NXPE4: variants seen among roughly 807,000 people sequenced by gnomAD.
NXPE4 encodes NXPE family member 4.
NXPE4 carries 42 observed loss-of-function variants against 33.3 expected under a neutral mutation model. The ratio of observed to expected loss-of-function variants is 1.26; its 90% confidence interval spans 0.98 to 1.63. The LOEUF is 1.63. NXPE4 is among the 40% of genes most tolerant of loss of function. The pLI is 0.00. For missense variants in NXPE4, 709 were observed against 647.6 expected (o/e 1.09, Z -1.03); for synonymous variants, 253 against 234.9 (o/e 1.08, Z -0.71).
upstream of NXPE4, among the ~76,000 whole-genome samples, chr11:114,598,415 T>C (rs908897630): frequency 2.0e-5 from 3 of 152,228 alleles, no homozygotes; most frequent in Non-Finnish European, 4.4e-5. Flanking sequence ...CAGTGGGGAC[T>C]CTGTGTGGGG....
chr11:114,611,223 C>T, the NXPE4 span, among the ~76,000 whole-genome samples: 1 of 151,574 alleles, frequency 6.6e-6, no homozygotes, highest in Non-Finnish European at 1.5e-5. Context: ...GCATGGGTAA[C>T]CACTGTTATC....
the NXPE4 span, among the ~76,000 whole-genome samples, chr11:114,637,380 T>G: frequency 6.6e-6 from 1 of 152,060 alleles, no homozygotes; most frequent in African/African-American, 2.4e-5. Flanking sequence ...ATGGGTTTCC[T>G]GAATACAGCA....
chr11:114,641,994 A>G, the NXPE4 span, among the ~76,000 whole-genome samples: 3 of 152,104 alleles, frequency 2.0e-5, no homozygotes, highest in African/African-American at 7.2e-5. Flanking sequence ...ATGAGAAGAT[A>G]AATTTTAAAA....
At chr11:114,617,740 CTTGGTAACCACTGTTACCA>C in the NXPE4 span, among the ~76,000 whole-genome samples, 3 of 150,822 alleles carry the variant, frequency 2.0e-5, no homozygotes, top group East Asian at 6.0e-4. Context: ...GTATTGCCTC[CTTGGTAACCACTGTTACCA>C]TGTGGATAAT....
In NXPE4 at chr11:114,581,802, A is replaced by G; in HGVS notation, c.831-16T>C. 6.3e-7 allele frequency: 1 copy of G among 1,580,214 alleles called. No homozygotes were observed. Among genetic ancestry groups the G allele is most frequent in the Non-Finnish European group, 8.7e-7 (1 of 1,154,274 alleles). ...CACATTTGACCTTAAAGACACAAAT[A>G]CAGAAATTAATCTGTAGGTGGCCTC... On this transcript the variant is annotated splice_polypyrimidine_tract_variant and intron_variant, in intron 3 of 5. Coordinates refer to ENST00000375478, the MANE Select transcript of NXPE4 (RefSeq NM_001077639.2).
upstream of NXPE4, among the ~76,000 whole-genome samples, chr11:114,600,210 A>G (rs902227067): frequency 6.6e-6 from 1 of 152,192 alleles, no homozygotes; most frequent in African/African-American, 2.4e-5. Flanking sequence ...CAGAAAATCA[A>G]TGAACATCTG....
chr11:114,637,489 A>C, the NXPE4 span, among the ~76,000 whole-genome samples: 1 of 151,442 alleles, frequency 6.6e-6, no homozygotes, highest in Non-Finnish European at 1.5e-5. Flanking sequence ...GTTATGTGTG[A>C]ATTTGATCCT....
chr11:114,639,878 T>C, the NXPE4 span, among the ~76,000 whole-genome samples: 1 of 57,610 alleles, frequency 1.7e-5, no homozygotes, highest in African/African-American at 9.2e-5. Flanking sequence ...ATATTAAATA[T>C]AAAATATGTT....
chr11:114,635,581 G>A, the NXPE4 span, among the ~76,000 whole-genome samples: 1,000 of 141,640 alleles, frequency 7.1e-3, 9 homozygotes, highest in African/African-American at 0.017. Context: ...TGCCCATTCA[G>A]TATGATATTG....
chr11:114,597,248 A>G (rs538334836), upstream of NXPE4, among the ~76,000 whole-genome samples: 14 of 152,304 alleles, frequency 9.2e-5, no homozygotes, highest in Admixed American at 3.9e-4. Flanking sequence ...GATTAGCCCA[A>G]TAGAAGGAAA....
the NXPE4 span, among the ~76,000 whole-genome samples, chr11:114,643,142 G>T: frequency 1.3e-5 from 2 of 152,140 alleles, no homozygotes; most frequent in South Asian, 4.1e-4. Flanking sequence ...GTTCTTTGTA[G>T]ATTCTGGATA....
the NXPE4 span, among the ~76,000 whole-genome samples, chr11:114,604,303 A>C: frequency 1.3e-5 from 2 of 149,186 alleles, no homozygotes; most frequent in African/African-American, 2.5e-5. Context: ...CGTGGGTAAC[A>C]ATTCTTACCC....
In NXPE4 at chr11:114,582,479, G is replaced by A; in HGVS notation, c.639C>T (p.Ser213=). ...TCAGGCCACATTCAGAGTGGACTTG[G>A]GAAGTGCCATTGACAAACTGGCCAG... The part of the protein sequence containing the change: ...IFTGQFVNGT[S]QVHSECGLIL... Residue 213 remains serine (S), a synonymous_variant, in exon 3 of 6, where the codon TCC becomes TCT. Coordinates refer to ENST00000375478, the MANE Select transcript of NXPE4 (RefSeq NM_001077639.2). 6.2e-7 allele frequency: 1 copy of A among 1,614,124 alleles called. No individual in the cohort carries two copies.
chr11:114,632,716 TATATATA>T, the NXPE4 span, among the ~76,000 whole-genome samples: 7 of 72,278 alleles, frequency 9.7e-5, no homozygotes, highest in South Asian at 1.9e-3. Flanking sequence ...TATAATATAA[TATATATA>T]ATATATAATA....
chr11:114,610,649 T>C, the NXPE4 span, among the ~76,000 whole-genome samples: 3 of 151,926 alleles, frequency 2.0e-5, no homozygotes, highest in Non-Finnish European at 4.4e-5. Context: ...GGGTAACCAC[T>C]GTTAACCGGT....
chr11:114,629,666 G>A, the NXPE4 span, among the ~76,000 whole-genome samples: 1 of 151,980 alleles, frequency 6.6e-6, no homozygotes, highest in African/African-American at 2.4e-5. Context: ...GGAAGTTCTG[G>A]CCAGGGCAAT....
At chr11:114,636,169 A>T in the NXPE4 span, among the ~76,000 whole-genome samples, 1 of 151,902 alleles carries the variant, frequency 6.6e-6, no homozygotes, top group Non-Finnish European at 1.5e-5. Flanking sequence ...CAGAGATTCA[A>T]CTTCTTCCTG....
the NXPE4 span, among the ~76,000 whole-genome samples, chr11:114,656,064 A>C: frequency 6.6e-6 from 1 of 152,316 alleles, no homozygotes; most frequent in Admixed American, 6.5e-5. Context: ...TGAACTGATA[A>C]GCAACTTCAG....
the NXPE4 span, among the ~76,000 whole-genome samples, chr11:114,625,803 G>C: frequency 3.3e-5 from 5 of 152,110 alleles, no homozygotes; most frequent in Non-Finnish European, 5.9e-5. Flanking sequence ...AGTGGGTGCA[G>C]GTCAGTGGGT....
Sources: allele counts gnomAD v4.1 joint callset (sites outside exome capture counted in the v4.1 genomes callset), GRCh38; gene constraint gnomAD v4.1.1; transcripts MANE v1.5; gene names NCBI Gene and HGNC (gene_info 2026-07-23, HGNC 2026-07-21).